HSD17B2: variants seen among roughly 807,000 people sequenced by gnomAD.
HSD17B2 encodes the protein 17-beta-hydroxysteroid dehydrogenase type 2.
HSD17B2 carries 32 observed loss-of-function variants against 26.9 expected under a neutral mutation model. The ratio of observed to expected loss-of-function variants is 1.19; its 90% CI spans 0.90 to 1.60. The LOEUF is 1.60. Among genes scored for constraint, HSD17B2 ranks in the 40% most tolerant of loss-of-function variants. The pLI is 0.00. For synonymous variants in HSD17B2, 246 were observed against 186.7 expected (o/e 1.32, Z -2.59); for missense variants, 613 against 468.6 (o/e 1.31, Z -2.85).
At chr16:82,094,854 A>G (rs1904793910) in intron 4 of HSD17B2, 1 of 152,222 alleles carries the variant, frequency 6.6e-6, no homozygotes, top group African/African-American at 2.4e-5. Context: ...TGAAGTAGGC[A>G]TCATAATAGC....
chr16:82,035,989 C>T (rs1913614375), intron 1 of HSD17B2, among the ~76,000 whole-genome samples: 1 of 152,050 alleles, frequency 6.6e-6, no homozygotes, highest in Non-Finnish European at 1.5e-5. Flanking sequence ...TTCTATTGTA[C>T]CCAGGAATGT....
intron 1 of HSD17B2, among the ~76,000 whole-genome samples, chr16:82,047,183 A>G (rs902320781): frequency 3.3e-5 from 5 of 152,224 alleles, no homozygotes; most frequent in Admixed American, 2.6e-4. Flanking sequence ...GTGAGCAATC[A>G]TAAGTGCTCT....
At chr16:82,084,352 C>T (rs1002911460) in intron 3 of HSD17B2, among the ~76,000 whole-genome samples, 2 of 152,098 alleles carry the variant, frequency 1.3e-5, no homozygotes, top group African/African-American at 4.8e-5. Context: ...TGTGACACGT[C>T]TTCAGATATT....
intron 3 of HSD17B2, among the ~76,000 whole-genome samples, chr16:82,084,378 G>A (rs1025576451): frequency 6.6e-5 from 10 of 151,788 alleles, no homozygotes; most frequent in Non-Finnish European, 1.3e-4. Context: ...TGATCTTTGG[G>A]GTGCAAAATC....
intron 3 of HSD17B2, among the ~76,000 whole-genome samples, chr16:82,086,280 G>A (rs181257153): frequency 3.9e-5 from 6 of 152,290 alleles, no homozygotes; most frequent in Non-Finnish European, 4.4e-5. Flanking sequence ...TCCATATAAA[G>A]GAATATTTTT....
intron 1 of HSD17B2, among the ~76,000 whole-genome samples, chr16:82,064,793 C>T (rs1394091806): frequency 6.6e-6 from 1 of 152,220 alleles, no homozygotes; most frequent in African/African-American, 2.4e-5. Flanking sequence ...TGGACAACAT[C>T]TGACCTCAGA....
intron 1 of HSD17B2, among the ~76,000 whole-genome samples, chr16:82,057,596 A>G (rs1318916622): frequency 6.6e-6 from 1 of 152,238 alleles, no homozygotes; most frequent in African/African-American, 2.4e-5. Flanking sequence ...GAGAAAACTG[A>G]TGAACACCAC....
At chr16:82,070,918 C>G in intron 2 of HSD17B2, 24 bp from the exon 3 acceptor site, 1 of 1,601,154 alleles carries the variant, frequency 6.2e-7, no homozygotes, top group African/African-American at 1.3e-5. Context: ...CAGACACTCA[C>G]TCATTATGGT....
intron 3 of HSD17B2, among the ~76,000 whole-genome samples, chr16:82,078,378 G>C (rs976580813): frequency 3.3e-5 from 5 of 152,156 alleles, no homozygotes; most frequent in African/African-American, 9.7e-5. Flanking sequence ...CCAAAAGTCA[G>C]GCAATAACAA....
intron 1 of HSD17B2, among the ~76,000 whole-genome samples, chr16:82,056,734 T>C (rs1033352507): frequency 4.6e-5 from 7 of 152,222 alleles, no homozygotes; most frequent in African/African-American, 1.7e-4. Flanking sequence ...ACACTAGTCA[T>C]TGATTCACGG....
intron 3 of HSD17B2, among the ~76,000 whole-genome samples, chr16:82,074,743 A>G (rs1904292945): frequency 6.6e-6 from 1 of 152,240 alleles, no homozygotes; most frequent in African/African-American, 2.4e-5. Context: ...ACCTCAATAC[A>G]TTAGTAGCTG....
At chr16:82,036,060 T>C (rs1025113201) in intron 1 of HSD17B2, among the ~76,000 whole-genome samples, 14 of 152,306 alleles carry the variant, frequency 9.2e-5, no homozygotes, top group African/African-American at 3.4e-4. Context: ...TTTGGCCAGG[T>C]TCTCCACCTG....
At chr16:82,042,840 C>G (rs941794485) in intron 1 of HSD17B2, among the ~76,000 whole-genome samples, 1 of 152,024 alleles carries the variant, frequency 6.6e-6, no homozygotes, top group Non-Finnish European at 1.5e-5. Flanking sequence ...AGGCTGGTCT[C>G]GAACTCCTGA....
At chr16:82,079,323 G>A (rs896302721) in intron 3 of HSD17B2, among the ~76,000 whole-genome samples, 3 of 152,168 alleles carry the variant, frequency 2.0e-5, no homozygotes, top group African/African-American at 2.4e-5. Flanking sequence ...GCTGGAAGTC[G>A]AAGACCAAGG....
chr16:82,095,048 G>C (rs567488642), intron 4 of HSD17B2: 1 of 152,238 alleles, frequency 6.6e-6, no homozygotes, highest in East Asian at 1.9e-4. Context: ...GATGATGACG[G>C]ACTGATGGCA....
At chr16:82,037,754 G>C (rs1264409727) in intron 1 of HSD17B2, among the ~76,000 whole-genome samples, 1 of 152,224 alleles carries the variant, frequency 6.6e-6, no homozygotes. Context: ...CACAAGGACT[G>C]TGTTACATGG....
rs938166727 is a variant in HSD17B2 at position 82,097,967 on chromosome 16, A to C, written c.803-108A>C. ...AAATAAAAAAATAAAAAAATAAATA[A>C]ATAAACGTCATTTGCAAAGGGCCAT... On this transcript the variant is annotated intron_variant, in intron 4 of 4. Coordinates refer to ENST00000199936, the MANE Select transcript of HSD17B2 (RefSeq NM_002153.3). 2.1e-4 allele frequency: 209 copies of C among 1,010,208 alleles called. 2 individuals are homozygous for C. The highest frequency in any genetic ancestry group is 1.0e-3 in the Middle Eastern group (3 of 2,952). The allele number at this position is 1,010,208 out of a possible 1,614,324, so 62.6% of individuals were successfully genotyped here.
intron 3 of HSD17B2, among the ~76,000 whole-genome samples, chr16:82,084,699 G>A (rs1445221888): frequency 1.8e-4 from 28 of 152,266 alleles, no homozygotes; most frequent in Non-Finnish European, 1.5e-5. Context: ...GTAAACACCT[G>A]TGTATAATTG....
chr16:82,079,536 C>G (rs1262104006), intron 3 of HSD17B2, among the ~76,000 whole-genome samples: 1 of 152,160 alleles, frequency 6.6e-6, no homozygotes, highest in Non-Finnish European at 1.5e-5. Context: ...AAGGTTCTAT[C>G]TTCAAATGCA....
Sources: gnomAD v4.1 joint callset for allele counts (sites outside exome capture counted in the v4.1 genomes callset) on GRCh38, gnomAD v4.1.1 for gene constraint, MANE v1.5 for transcripts, NCBI Gene and HGNC (gene_info 2026-07-23, HGNC 2026-07-21) for gene names.